Variants in NLGN1 observed in about 807,000 individuals in gnomAD.
NLGN1 encodes the protein neuroligin-1.
NLGN1 carries 12 observed loss-of-function variants against 65.5 expected under a neutral mutation model. That is an observed-to-expected ratio of 0.18 (90% CI 0.12 to 0.30). NLGN1 has a LOEUF of 0.30. Among genes scored for constraint, NLGN1 ranks in the 10% least tolerant of loss-of-function variants. The pLI, the probability that NLGN1 is intolerant of heterozygous loss-of-function variation, is 1.00. For missense variants in NLGN1, 750 were observed against 1,007.1 expected (o/e 0.74, Z 3.46); for synonymous variants, 350 against 359.5 (o/e 0.97, Z 0.30).
At chr3:173,666,453 G>A (rs912900582) in intron 3 of NLGN1, among the ~76,000 whole-genome samples, 16 of 152,100 alleles carry the variant, frequency 1.1e-4, no homozygotes, top group Non-Finnish European at 1.9e-4. Context: ...TTGAAAAAAT[G>A]CCTAATGTAT....
intron 3 of NLGN1, among the ~76,000 whole-genome samples, chr3:173,701,513 C>A (rs969631815): frequency 3.9e-5 from 6 of 152,134 alleles, no homozygotes; most frequent in African/African-American, 1.4e-4. Flanking sequence ...CCCTGCAATA[C>A]TTTGATTTTA....
intron 2 of NLGN1, among the ~76,000 whole-genome samples, chr3:173,549,951 A>G (rs1740565119): frequency 1.3e-5 from 2 of 152,208 alleles, no homozygotes; most frequent in African/African-American, 4.8e-5. Flanking sequence ...GATGAATTCC[A>G]CAGGTCACTG....
At chr3:173,867,969 A>G (rs1038365921) in intron 4 of NLGN1, among the ~76,000 whole-genome samples, 2 of 152,176 alleles carry the variant, frequency 1.3e-5, no homozygotes, top group Non-Finnish European at 2.9e-5. Context: ...TTGCCTTTAA[A>G]ATAATTTACT....
At chr3:173,814,993 T>C (rs999867398) in intron 4 of NLGN1, among the ~76,000 whole-genome samples, 6 of 152,004 alleles carry the variant, frequency 3.9e-5, no homozygotes, top group African/African-American at 1.4e-4. Flanking sequence ...TCTTTTCTTT[T>C]CTTTTCTCTT....
chr3:173,702,217 C>G (rs1239151868), intron 3 of NLGN1, among the ~76,000 whole-genome samples: 2 of 137,708 alleles, frequency 1.5e-5, no homozygotes, highest in South Asian at 2.3e-4. Context: ...CCAGCCTGGG[C>G]GACAGAGCGA....
chr3:174,189,914 TG>T (rs1449462383), intron 4 of NLGN1, among the ~76,000 whole-genome samples: 3 of 152,150 alleles, frequency 2.0e-5, no homozygotes, highest in African/African-American at 7.2e-5. Flanking sequence ...GGGCCATTTT[TG>T]GGCCACTTGT....
intron 4 of NLGN1, among the ~76,000 whole-genome samples, chr3:173,902,597 T>C (rs1737573793): frequency 6.6e-6 from 1 of 152,102 alleles, no homozygotes; most frequent in African/African-American, 2.4e-5. Context: ...AGTTTTTAAG[T>C]TGGCAAGCCT....
At chr3:173,515,043 T>C (rs1042971314) in intron 2 of NLGN1, among the ~76,000 whole-genome samples, 9 of 152,210 alleles carry the variant, frequency 5.9e-5, no homozygotes, top group African/African-American at 9.6e-5. Flanking sequence ...CTGAATTATA[T>C]GGTAGTTCTG....
chr3:173,508,713 G>T (rs1354677297), intron 2 of NLGN1, among the ~76,000 whole-genome samples: 1 of 151,986 alleles, frequency 6.6e-6, no homozygotes, highest in African/African-American at 2.4e-5. Flanking sequence ...TTGAGTTTTT[G>T]TCCTGCTCAT....
intron 4 of NLGN1, among the ~76,000 whole-genome samples, chr3:174,259,545 C>T (rs534468012): frequency 7.2e-5 from 11 of 152,018 alleles, no homozygotes; most frequent in Admixed American, 4.6e-4. Context: ...AATCAAGACA[C>T]AATGTCCTCT....
intron 4 of NLGN1, among the ~76,000 whole-genome samples, chr3:174,087,286 A>G (rs1743607871): frequency 6.6e-6 from 1 of 152,162 alleles, no homozygotes; most frequent in African/African-American, 2.4e-5. Flanking sequence ...TAAAAGTAAA[A>G]AACAAGTATG....
At chr3:173,916,583 C>A (rs2152244602) in intron 4 of NLGN1, among the ~76,000 whole-genome samples, 1 of 152,216 alleles carries the variant, frequency 6.6e-6, no homozygotes. Context: ...TTCCAGATAG[C>A]AATTTCAGTA....
At chr3:173,899,644 T>C (rs142886779) in intron 4 of NLGN1, among the ~76,000 whole-genome samples, 20 of 152,258 alleles carry the variant, frequency 1.3e-4, no homozygotes, top group African/African-American at 4.8e-4. Context: ...AAATTTTCCA[T>C]TAATAAAGTT....
chr3:173,511,737 T>A (rs908700475), intron 2 of NLGN1, among the ~76,000 whole-genome samples: 3 of 152,176 alleles, frequency 2.0e-5, no homozygotes, highest in African/African-American at 7.2e-5. Context: ...GAGATTTTTT[T>A]CCTCAGCTGT....
intron 4 of NLGN1, among the ~76,000 whole-genome samples, chr3:174,272,659 ATG>A (rs1475057372): frequency 8.2e-6 from 1 of 121,538 alleles, no homozygotes; most frequent in Non-Finnish European, 1.9e-5. Context: ...GGATGGATGG[ATG>A]GATGGATAGA....
intron 4 of NLGN1, among the ~76,000 whole-genome samples, chr3:173,899,336 C>T (rs951845678): frequency 6.6e-6 from 1 of 152,058 alleles, no homozygotes; most frequent in African/African-American, 2.4e-5. Context: ...GACTGACTTG[C>T]ATTAGTCGAC....
intron 1 of NLGN1, among the ~76,000 whole-genome samples, chr3:173,400,677 T>C (rs1184565493): frequency 6.6e-6 from 1 of 152,220 alleles, no homozygotes; most frequent in African/African-American, 2.4e-5. Flanking sequence ...ACAGTATTTA[T>C]ACTGGGAGTA....
chr3:174,123,893 G>A (rs1473406902), intron 4 of NLGN1, among the ~76,000 whole-genome samples: 1 of 152,090 alleles, frequency 6.6e-6, no homozygotes, highest in Non-Finnish European at 1.5e-5. Flanking sequence ...TTCAAGTCTT[G>A]TATATCATCA....
intron 3 of NLGN1, among the ~76,000 whole-genome samples, chr3:173,653,322 T>G (rs1164751555): frequency 6.6e-6 from 1 of 152,214 alleles, no homozygotes; most frequent in East Asian, 1.9e-4. Flanking sequence ...CTTGTTCTAG[T>G]TTTAAAAGGA....
Sources: gnomAD v4.1 joint callset for allele counts (sites outside exome capture counted in the v4.1 genomes callset) on GRCh38, gnomAD v4.1.1 for gene constraint, MANE v1.5 for transcripts, NCBI Gene and HGNC (gene_info 2026-07-23, HGNC 2026-07-21) for gene names.